ARPC5: variants seen among roughly 807,000 people sequenced by gnomAD.
ARPC5 encodes the protein actin-related protein 2/3 complex subunit 5.
A neutral mutation model predicts 15.4 loss-of-function variants in ARPC5; 5 were observed. That is an observed-to-expected ratio of 0.32 (90% CI 0.17 to 0.68). The LOEUF (loss-of-function observed/expected upper bound fraction) is 0.68, where lower values mean the gene tolerates loss of function less well. Among genes scored for constraint, ARPC5 ranks in the 30% least tolerant of loss-of-function variants. The pLI is 0.71. For missense variants in ARPC5, 138 were observed against 192.8 expected, an observed-to-expected ratio of 0.72 and a Z score of 1.68; for synonymous variants, 85 against 72.2, an observed-to-expected ratio of 1.18 and a Z score of -0.90.
rs374956376 is a variant in ARPC5, at chr1:183,630,581, T to G, written c.273A>C (p.Ile91=). The change falls in exon 3 of 4, where the codon ATA becomes ATC. Residue 91 remains isoleucine (I), a synonymous_variant. Coordinates refer to ENST00000359856, the MANE Select transcript of ARPC5 (RefSeq NM_005717.4). The part of the protein sequence containing the change: ...KVLISFKAND[I]EKAVQSLDKN... The stretch of plus-strand genomic sequence containing the variant: ...TGTCCAGAGATTGAACTGCCTTTTC[T>G]ATATCATTAGCTTTAAAAGAGATGA... The G allele has an allele frequency of 1.2e-6, 2 of 1,614,044 alleles. No individual in the cohort carries two copies. Among genetic ancestry groups the G allele is most frequent in the African/African-American group, 2.7e-5 (2 of 74,946 alleles).
Position 183,620,916 on chromosome 1 carries a change from T to C in ARPC5, c.*6616A>G, listed in dbSNP as rs1369712044. The C allele has an allele frequency of 1.3e-5, 2 of 152,032 alleles. No individual in the cohort carries two copies. Among genetic ancestry groups the C allele is most frequent in the Non-Finnish European group, 2.9e-5 (2 of 68,000 alleles). The allele number at this position is 152,032 out of a possible 1,614,324, so 9.4% of individuals were successfully genotyped here. On this transcript the variant is annotated 3_prime_UTR_variant, in exon 4 of 4. Transcript: ENST00000359856. ...AGCGAAACTCAAAATGCAAGAAATA[T>C]TTGACATTCCTGTTGAAAAGAGCTC...
chr1:183,635,109 T>G (rs891353146), intron 1 of ARPC5, among the ~76,000 whole-genome samples: 2 of 152,184 alleles, frequency 1.3e-5, no homozygotes, highest in Non-Finnish European at 2.9e-5. Context: ...GGAGCTAATG[T>G]GACCCCAGGA....
chr1:183,626,872 T>C lies in ARPC5; in HGVS notation c.*660A>G, dbSNP rs1300972130. On this transcript the variant is annotated 3_prime_UTR_variant, in exon 4 of 4. Coordinates refer to ENST00000359856, the MANE Select transcript of ARPC5 (RefSeq NM_005717.4). ...GGATACATTTGTATAAAGCAAGACT[T>C]CTTGCTCTGAACCCTGGGTGACCAC... The C allele has an allele frequency of 6.6e-6, 1 of 152,284 alleles. No individual in the cohort carries two copies. The allele number at this position is 152,284 out of a possible 1,614,324, so 9.4% of individuals were successfully genotyped here. A position where few individuals can be genotyped will look rare whatever the true frequency, so the allele number is the denominator to read the frequency against.
chr1:183,622,226 G>A lies in ARPC5; in HGVS notation c.*5306C>T, dbSNP rs1483606301. On this transcript the variant is annotated 3_prime_UTR_variant, in exon 4 of 4. Coordinates refer to ENST00000359856, the MANE Select transcript of ARPC5 (RefSeq NM_005717.4). ...TGACAATAGTTGGTTGTCAAAAGAG[G>A]AACTAGGGTGGAATGGAAAATTACC... 1 of 152,130 alleles carries A rather than the reference G, an allele frequency of 6.6e-6. No individual in the cohort carries two copies. Among genetic ancestry groups the A allele is most frequent in the African/African-American group, 2.4e-5 (1 of 41,414 alleles). 9.4% of individuals were successfully genotyped at this position (152,130 alleles called of 1,614,324 possible). A position where few individuals can be genotyped will look rare whatever the true frequency, so the allele number is the denominator to read the frequency against.
In ARPC5 at chr1:183,623,897, C is replaced by T; in HGVS notation, c.*3635G>A. The T allele has an allele frequency of 4.9e-6, 1 of 202,578 alleles. No individual in the cohort carries two copies. Among genetic ancestry groups the T allele is most frequent in the Non-Finnish European group, 1.0e-5 (1 of 99,178 alleles). 12.5% of individuals were successfully genotyped at this position (202,578 alleles called of 1,614,324 possible). A position where few individuals can be genotyped will look rare whatever the true frequency, so the allele number is the denominator to read the frequency against. ...AATTAGCTGGGCACGGTGATGCGTG[C>T]CTGTAATCCGAGCTACTCAGGAGGC... On this transcript the variant is annotated 3_prime_UTR_variant, in exon 4 of 4. Coordinates refer to ENST00000359856, the MANE Select transcript of ARPC5 (RefSeq NM_005717.4).
intron 1 of ARPC5, among the ~76,000 whole-genome samples, chr1:183,634,930 T>TAAAAAA (rs72182011): frequency 5.1e-5 from 7 of 136,670 alleles, no homozygotes; most frequent in African/African-American, 1.8e-4. Context: ...TTTTTTTTTT[T>TAAAAAA]AAAAAGGCCA....
intron 2 of ARPC5, chr1:183,632,402 A>G (rs1649292903): frequency 6.6e-6 from 1 of 152,202 alleles, no homozygotes; most frequent in Admixed American, 6.5e-5. Context: ...AAAATTTACC[A>G]AAAAATATTG....
chr1:183,629,520 G>C (rs1273229854), intron 3 of ARPC5, among the ~76,000 whole-genome samples: 1 of 152,076 alleles, frequency 6.6e-6, no homozygotes, highest in Non-Finnish European at 1.5e-5. Flanking sequence ...TTTTCACTCA[G>C]ATACACTTCA....
rs768015170 is a variant in ARPC5 at position 183,623,447 on chromosome 1, A to G, written c.*4085T>C. 8 of 1,550,396 alleles carry G rather than the reference A, an allele frequency of 5.2e-6. No individual in the cohort carries two copies. The highest frequency in any genetic ancestry group is 5.2e-6 in the Non-Finnish European group (6 of 1,146,918). ...TCTGTGGGCTTCCCGGGCCTCCTCC[A>G]TATCTGGAATCATACAAGAGGCACC... On this transcript the variant is annotated 3_prime_UTR_variant, in exon 4 of 4. Transcript: ENST00000359856.
chr1:183,627,721 A>C (rs1399625397), intron 3 of ARPC5, 127 bp from the exon 4 acceptor site: 1 of 758,640 alleles, frequency 1.3e-6, no homozygotes, highest in Non-Finnish European at 2.3e-6. Context: ...GTTAACAAAT[A>C]ATAAATTCTT....
intron 1 of ARPC5, among the ~76,000 whole-genome samples, chr1:183,635,208 G>A (rs1410853868): frequency 6.6e-6 from 1 of 152,228 alleles, no homozygotes; most frequent in Admixed American, 6.5e-5. Flanking sequence ...GCGAGGGCGC[G>A]GCCGGCGGGA....
chr1:183,634,473 C>T (rs895898315), intron 1 of ARPC5, among the ~76,000 whole-genome samples: 8 of 152,192 alleles, frequency 5.3e-5, no homozygotes, highest in African/African-American at 1.9e-4. Context: ...TATGAATACA[C>T]CCAAGAATTA....
rs1012651238 is a variant in ARPC5, at chr1:183,622,363, A to T, written c.*5169T>A. On this transcript the variant is annotated 3_prime_UTR_variant, in exon 4 of 4. Transcript: ENST00000359856. ...GAACCATTGGCTAATGAATACACTGACCTTTAACTTAGCAAATTGAAGAAA... is the reference window on the plus strand; with the variant it reads ...GAACCATTGGCTAATGAATACACTGTCCTTTAACTTAGCAAATTGAAGAAA... 2.0e-5 allele frequency: 3 copies of T among 152,220 alleles called. No homozygotes were observed. Among genetic ancestry groups the T allele is most frequent in the Non-Finnish European group, 2.9e-5 (2 of 68,040 alleles). The allele number at this position is 152,220 out of a possible 1,614,324, so 9.4% of individuals were successfully genotyped here. A position where few individuals can be genotyped will look rare whatever the true frequency, so the allele number is the denominator to read the frequency against.
At position 183,623,521 on chromosome 1, in the gene ARPC5, A is replaced by G. The variant is rs1301398126; in HGVS notation, c.*4011T>C. 1.3e-6 allele frequency: 2 copies of G among 1,549,962 alleles called. No homozygotes were observed. The highest frequency in any genetic ancestry group is 1.7e-6 in the Non-Finnish European group (2 of 1,146,680). Reference sequence around the variant, plus strand: ...GGTTTTCACATATTGTACTAGTGACATTGGGGTGAGGGGGAGAGGGAGTGG... The same window carrying G: ...GGTTTTCACATATTGTACTAGTGACGTTGGGGTGAGGGGGAGAGGGAGTGG... On this transcript the variant is annotated 3_prime_UTR_variant, in exon 4 of 4. Coordinates refer to ENST00000359856, the MANE Select transcript of ARPC5 (RefSeq NM_005717.4).
chr1:183,630,256 T>C (rs1054286618), intron 3 of ARPC5: 4 of 415,992 alleles, frequency 9.6e-6, no homozygotes, highest in African/African-American at 4.1e-5. Context: ...CTAATAATCA[T>C]TGTTGAATAA....
Position 183,623,285 on chromosome 1 carries a change from A to T in ARPC5, c.*4247T>A. 1.3e-6 allele frequency: 1 copy of T among 758,844 alleles called. No individual in the cohort carries two copies. The highest frequency in any genetic ancestry group is 2.2e-6 in the Non-Finnish European group (1 of 460,784). 47.0% of individuals were successfully genotyped at this position (758,844 alleles called of 1,614,324 possible). A position where few individuals can be genotyped will look rare whatever the true frequency, so the allele number is the denominator to read the frequency against. On this transcript the variant is annotated 3_prime_UTR_variant, in exon 4 of 4. Coordinates refer to ENST00000359856, the MANE Select transcript of ARPC5 (RefSeq NM_005717.4). ...TAAACATAGATTATTTATGTTGATT[A>T]CTCTTACACACTCAAGTAACAGAAA...
Position 183,635,594 on chromosome 1 carries a change from G to A in ARPC5, c.66C>T (p.Asn22=), listed in dbSNP as rs1194496888. 4.3e-6 allele frequency: 7 copies of A among 1,613,606 alleles called. No homozygotes were observed. Among genetic ancestry groups the A allele is most frequent in the Non-Finnish European group, 5.9e-6 (7 of 1,179,896 alleles). Residue 22 remains asparagine (N), a synonymous_variant, in exon 1 of 4, where the codon AAC becomes AAT. Coordinates refer to ENST00000359856, the MANE Select transcript of ARPC5 (RefSeq NM_005717.4). ...RKVDVDEYDE[N]KFVDEEDGGD... ...CCCCATCTTCTTCGTCCACGAACTT[G>A]TTCTCGTCATATTCATCCACGTCCA...
chr1:183,635,753 T>G lies in ARPC5; in HGVS notation c.-94A>C. 1.3e-6 allele frequency: 2 copies of G among 1,502,578 alleles called. No homozygotes were observed. The highest frequency in any genetic ancestry group is 1.8e-6 in the Non-Finnish European group (2 of 1,112,794). The allele number at this position is 1,502,578 out of a possible 1,614,324, so 93.1% of individuals were successfully genotyped here. A position where few individuals can be genotyped will look rare whatever the true frequency, so the allele number is the denominator to read the frequency against. On this transcript the variant is annotated 5_prime_UTR_variant, in exon 1 of 4. Coordinates refer to ENST00000359856, the MANE Select transcript of ARPC5 (RefSeq NM_005717.4). ...ACCCACTACCCGGCGCCTGATTCAC[T>G]TCCCTCTTCCGCTCTGAGGCGTCGC...
intron 2 of ARPC5, 71 bp from the exon 3 acceptor site, chr1:183,630,708 T>C (rs1325141345): frequency 7.0e-7 from 1 of 1,420,806 alleles, no homozygotes; most frequent in Non-Finnish European, 9.6e-7. Flanking sequence ...TCAGAAAGTC[T>C]ACACTATGAA....
Sources: gnomAD v4.1 joint callset for allele counts (sites outside exome capture counted in the v4.1 genomes callset) on GRCh38, gnomAD v4.1.1 for gene constraint, MANE v1.5 for transcripts, NCBI Gene and HGNC (gene_info 2026-07-23, HGNC 2026-07-21) for gene names.